The following SRPK1 variants were observed in gnomAD, a reference collection of about 807,000 sequenced individuals.
SRPK1 encodes SRSF protein kinase 1.
In SRPK1, 52 loss-of-function variants were observed where a neutral mutation model predicts 89.5. The ratio of observed to expected loss-of-function variants is 0.58; its 90% CI spans 0.46 to 0.73. The LOEUF (loss-of-function observed/expected upper bound fraction) is 0.73. SRPK1 is among the 30% of genes least tolerant of loss of function. The pLI is 0.00. For synonymous variants in SRPK1, 255 were observed against 270.2 expected (o/e 0.94, Z 0.55); for missense variants, 603 against 780.6 (o/e 0.77, Z 2.71).
intron 12 of SRPK1, among the ~76,000 whole-genome samples, chr6:35,859,781 C>G (rs1325107938): frequency 6.6e-6 from 1 of 152,082 alleles, no homozygotes; most frequent in Non-Finnish European, 1.5e-5. Context: ...ATGTATTGTT[C>G]ACCGCTGTGT....
At chr6:35,890,851 A>C in intron 3 of SRPK1, 44 bp downstream of exon 3, 1 of 1,486,292 alleles carries the variant, frequency 6.7e-7, no homozygotes, top group Middle Eastern at 2.3e-4. Context: ...AGAAATTGCA[A>C]ATAGATGGCT....
At chr6:35,836,611 T>A (rs1400298359) in intron 15 of SRPK1, among the ~76,000 whole-genome samples, 1 of 151,742 alleles carries the variant, frequency 6.6e-6, no homozygotes, top group Non-Finnish European at 1.5e-5. Context: ...AAAAATTAGC[T>A]GTGTATGGTG....
chr6:35,871,543 G>A (rs1297068907), intron 8 of SRPK1, among the ~76,000 whole-genome samples: 2 of 152,154 alleles, frequency 1.3e-5, no homozygotes, highest in African/African-American at 2.4e-5. Context: ...TCTGTAGAAT[G>A]TTTTCATCTT....
At chr6:35,912,014 A>G (rs1770979784) in intron 2 of SRPK1, among the ~76,000 whole-genome samples, 1 of 152,082 alleles carries the variant, frequency 6.6e-6, no homozygotes, top group South Asian at 2.1e-4. Flanking sequence ...AGCAGCCGCC[A>G]GATGAGTCAG....
chr6:35,840,156 A>C (rs1359666702), intron 14 of SRPK1, among the ~76,000 whole-genome samples: 1 of 152,240 alleles, frequency 6.6e-6, no homozygotes, highest in Non-Finnish European at 1.5e-5. Flanking sequence ...TTTATCGTGT[A>C]GTTACAGAAT....
At chr6:35,895,455 G>A (rs1027547900) in intron 2 of SRPK1, among the ~76,000 whole-genome samples, 8 of 151,994 alleles carry the variant, frequency 5.3e-5, no homozygotes, top group Non-Finnish European at 1.2e-4. Context: ...GTGTGTGTGT[G>A]TGTGTGTGTG....
At chr6:35,895,436 TG>T (rs1554154723) in intron 2 of SRPK1, among the ~76,000 whole-genome samples, 1 of 880 alleles carries the variant, frequency 1.1e-3, no homozygotes, top group Non-Finnish European at 9.4e-3. Context: ...GGCATATGCT[TG>T]TGTGTGTGTG....
chr6:35,837,410 T>C (rs1769204009), intron 15 of SRPK1, among the ~76,000 whole-genome samples: 1 of 152,228 alleles, frequency 6.6e-6, no homozygotes, highest in African/African-American at 2.4e-5. Flanking sequence ...ACCAACTGCA[T>C]GCAGGCACTA....
chr6:35,915,478 GTA>G (rs954444156), intron 2 of SRPK1, among the ~76,000 whole-genome samples: 2 of 149,278 alleles, frequency 1.3e-5, no homozygotes, highest in African/African-American at 4.9e-5. Context: ...TATTTTAAAT[GTA>G]TATACCATTC....
chr6:35,872,539 C>A (rs369116018), intron 8 of SRPK1, 24 bp downstream of exon 8: 2 of 1,555,742 alleles, frequency 1.3e-6, no homozygotes, highest in South Asian at 1.3e-5. Context: ...CTAATGATAG[C>A]GAAGTCCCTA....
intron 15 of SRPK1, 49 bp from the exon 16 acceptor site, chr6:35,835,537 G>A (rs766562095): frequency 2.6e-6 from 4 of 1,524,978 alleles, no homozygotes; most frequent in Non-Finnish European, 3.5e-6. Context: ...ACAGACAAAT[G>A]ACAAGGTACT....
intron 13 of SRPK1, among the ~76,000 whole-genome samples, chr6:35,849,984 C>T (rs1769518865): frequency 6.6e-6 from 1 of 152,060 alleles, no homozygotes; most frequent in Non-Finnish European, 1.5e-5. Context: ...GCAACACTCT[C>T]ACTTATATGT....
chr6:35,920,225 C>A (rs1387694057), intron 2 of SRPK1: 2 of 604,996 alleles, frequency 3.3e-6, no homozygotes, highest in South Asian at 1.5e-5. Flanking sequence ...ACCGGGCGGG[C>A]TCTGGTCCTC....
intron 15 of SRPK1, among the ~76,000 whole-genome samples, chr6:35,837,541 C>G (rs1769206097): frequency 1.3e-5 from 2 of 152,176 alleles, no homozygotes; most frequent in Non-Finnish European, 2.9e-5. Flanking sequence ...CAGGATTTGA[C>G]AGTCTGGCTC....
At chr6:35,860,022 C>T (rs574210936) in intron 12 of SRPK1, among the ~76,000 whole-genome samples, 1 of 151,982 alleles carries the variant, frequency 6.6e-6, no homozygotes, top group African/African-American at 2.4e-5. Flanking sequence ...CAACGCCTGG[C>T]TAATATTTTT....
chr6:35,853,249 C>T (rs1316724659), intron 13 of SRPK1, among the ~76,000 whole-genome samples: 21 of 151,802 alleles, frequency 1.4e-4, no homozygotes, highest in Admixed American at 1.4e-3. Flanking sequence ...CCAGCCTGGG[C>T]AACAGAGCAA....
At chr6:35,916,237 TAAA>T (rs1771098754) in intron 2 of SRPK1, among the ~76,000 whole-genome samples, 1 of 148,882 alleles carries the variant, frequency 6.7e-6, no homozygotes, top group Admixed American at 6.7e-5. Context: ...AATAAATAAA[TAAA>T]TAAATTAATT....
intron 12 of SRPK1, among the ~76,000 whole-genome samples, chr6:35,859,486 C>G (rs1424984117): frequency 6.6e-6 from 1 of 152,148 alleles, no homozygotes; most frequent in African/African-American, 2.4e-5. Context: ...TGTGCATACT[C>G]AAGTTTCACA....
rs578151765 is a variant in SRPK1, at chr6:35,846,533, A to G, written c.1621-3929T>C. On this transcript the variant is annotated intron_variant, in intron 13 of 15. Transcript: ENST00000373825. ...TACTGCACTCCAACCTGCGTCCTGC[A>G]TGACAGAGTGAGACTGTGTCTCCAA... is the stretch of plus-strand genomic sequence containing the variant. 7.3e-5 allele frequency among the ~76,000 whole-genome samples: 11 copies of G among 149,680 alleles called. No homozygotes were observed. The East Asian group carries it at 2.0e-3, about 27-fold the overall frequency.
Sources: allele counts gnomAD v4.1 joint callset (sites outside exome capture counted in the v4.1 genomes callset), GRCh38; gene constraint gnomAD v4.1.1; transcripts MANE v1.5; gene names NCBI Gene and HGNC (gene_info 2026-07-23, HGNC 2026-07-21).